The following NAF1 variants were observed in gnomAD, a reference collection of about 807,000 sequenced individuals.
NAF1 encodes H/ACA ribonucleoprotein complex non-core subunit NAF1.
In NAF1, 11 loss-of-function variants were observed where a neutral mutation model predicts 40.6. That is an observed-to-expected ratio of 0.27 (90% CI 0.17 to 0.45). The LOEUF (loss-of-function observed/expected upper bound fraction) is 0.45. Ranked by LOEUF, NAF1 falls within the 20% of genes least tolerant of loss-of-function variation. The probability of loss-of-function intolerance (pLI) is 1.00; values close to 1 mark genes in which losing one functional copy is unlikely to be tolerated. For synonymous variants in NAF1, 260 were observed against 228.5 expected, an observed-to-expected ratio of 1.14 and a Z score of -1.24; for missense variants, 607 against 611.1, an observed-to-expected ratio of 0.99 and a Z score of 0.07.
intron 2 of NAF1, among the ~76,000 whole-genome samples, chr4:163,110,625 T>C (rs910263624): frequency 1.3e-5 from 2 of 152,194 alleles, no homozygotes; most frequent in Non-Finnish European, 1.5e-5. Context: ...TCTGGAAATC[T>C]AAGGTCAAGC....
chr4:163,150,051 C>G (rs1731636653), intron 2 of NAF1, among the ~76,000 whole-genome samples: 1 of 151,970 alleles, frequency 6.6e-6, no homozygotes. Flanking sequence ...AGATCTAAAA[C>G]AAAAATTTGA....
chr4:163,164,030 A>G (rs1269381879), intron 2 of NAF1, among the ~76,000 whole-genome samples, 187 bp downstream of exon 2: 3 of 152,206 alleles, frequency 2.0e-5, no homozygotes, highest in Admixed American at 2.0e-4. Context: ...GTTAGAAGCA[A>G]CCTAAGAAAT....
intron 2 of NAF1, among the ~76,000 whole-genome samples, chr4:163,119,002 GCAAC>G (rs1730437238): frequency 1.3e-5 from 2 of 152,244 alleles, no homozygotes; most frequent in African/African-American, 4.8e-5. Context: ...AACAAATTAT[GCAAC>G]TATAAGACTT....
chr4:163,110,012 G>T, downstream of NAF1: 1 of 393,772 alleles, frequency 2.5e-6, no homozygotes, highest in East Asian at 3.7e-5. Context: ...TACTGCAAAT[G>T]ATATGTGAGG....
intron 4 of NAF1, chr4:163,144,030 T>C: frequency 1.0e-6 from 1 of 976,190 alleles, no homozygotes; most frequent in Non-Finnish European, 1.2e-6. Flanking sequence ...ATCAATATAA[T>C]ACAGAGTCCT....
In NAF1 at chr4:163,128,966, AG is replaced by A; in HGVS notation, c.1415del (p.Pro472LeufsTer25). The A allele has an allele frequency of 6.1e-6, 2 of 329,106 alleles. No homozygotes were observed. Among genetic ancestry groups the A allele is most frequent in the Non-Finnish European group, 1.2e-5 (2 of 165,910 alleles). 20.4% of individuals were successfully genotyped at this position (329,106 alleles called of 1,614,324 possible). ...GTGGAGGAGGCAGTGGTGGAGGGGG[AG>A]GGGGTGGGGGTAGGGAGTATGGTAA... The part of the protein sequence containing the change: ...LNLPYSLPPP[P>X]PPPPLPPPPS... On this transcript the variant is annotated frameshift_variant, in exon 8 of 8. Coordinates refer to ENST00000274054, the MANE Select transcript of NAF1 (RefSeq NM_138386.3). LOFTEE classifies it high-confidence loss of function.
At chr4:163,145,698 ACT>A in intron 4 of NAF1, 82 bp downstream of exon 4, 1 of 871,928 alleles carries the variant, frequency 1.1e-6, no homozygotes, top group Non-Finnish European at 1.8e-6. Context: ...AAATAAATAA[ACT>A]CTTCTGAGAA....
chr4:163,126,423 A>C (rs1730657354), downstream of NAF1, among the ~76,000 whole-genome samples: 1 of 152,192 alleles, frequency 6.6e-6, no homozygotes, highest in Admixed American at 6.5e-5. Context: ...GGAGGAAATA[A>C]CTGAATATGT....
At chr4:163,165,375 A>C (rs1224154559) in intron 1 of NAF1, among the ~76,000 whole-genome samples, 3 of 152,208 alleles carry the variant, frequency 2.0e-5, no homozygotes, top group African/African-American at 7.2e-5. Flanking sequence ...TTATGACGCC[A>C]TATCCCTTCT....
chr4:163,128,347 C>T (rs1174096528), downstream of NAF1, among the ~76,000 whole-genome samples: 1 of 152,090 alleles, frequency 6.6e-6, no homozygotes, highest in Non-Finnish European at 1.5e-5. Flanking sequence ...ATATTTTTTA[C>T]TTTAGCTATA....
At chr4:163,162,615 T>C (rs577108079) in intron 2 of NAF1, among the ~76,000 whole-genome samples, 29 of 152,354 alleles carry the variant, frequency 1.9e-4, no homozygotes, top group African/African-American at 7.0e-4. Context: ...CTCCACTTTA[T>C]TTACTGTCTG....
At chr4:163,130,910 G>A (rs574535249) in intron 7 of NAF1, among the ~76,000 whole-genome samples, 52 of 152,292 alleles carry the variant, frequency 3.4e-4, no homozygotes, top group African/African-American at 1.2e-3. Flanking sequence ...ACGGAGTCTC[G>A]CTCTGTAGCC....
At chr4:163,165,961 A>C (rs964382239) in intron 1 of NAF1, among the ~76,000 whole-genome samples, 1 of 152,200 alleles carries the variant, frequency 6.6e-6, no homozygotes, top group Admixed American at 6.5e-5. Context: ...TGGTTCAAAA[A>C]ACAAAGCCTA....
At chr4:163,109,681 C>T (rs1416771790), downstream of NAF1, among the ~76,000 whole-genome samples, 1 of 152,166 alleles carries the variant, frequency 6.6e-6, no homozygotes, top group Admixed American at 6.5e-5. Flanking sequence ...AAAAAGAATG[C>T]TATGACTTGT....
At chr4:163,139,528 A>G (rs1731175826) in intron 5 of NAF1, among the ~76,000 whole-genome samples, 1 of 152,196 alleles carries the variant, frequency 6.6e-6, no homozygotes, top group Admixed American at 6.5e-5. Flanking sequence ...TAACAAGTTT[A>G]GCTGATACAA....
In NAF1 at chr4:163,166,875, A is replaced by G; in HGVS notation, c.-148T>C. The G allele has an allele frequency of 9.4e-7, 1 of 1,060,288 alleles. No individual in the cohort carries two copies. Among genetic ancestry groups the G allele is most frequent in the South Asian group, 1.7e-5 (1 of 59,010 alleles). The allele number at this position is 1,060,288 out of a possible 1,614,324, so 65.7% of individuals were successfully genotyped here. On this transcript the variant is annotated 5_prime_UTR_variant, in exon 1 of 8. Coordinates refer to ENST00000274054, the MANE Select transcript of NAF1 (RefSeq NM_138386.3). ...GCGTTTCTCAGGTAACTACACGCGG[A>G]GGAGCCAAAAGACACGCCCCCGCCA...
chr4:163,118,713 A>T (rs761472198), intron 2 of NAF1, among the ~76,000 whole-genome samples: 1 of 152,196 alleles, frequency 6.6e-6, no homozygotes, highest in Non-Finnish European at 1.5e-5. Flanking sequence ...ATATCGCACC[A>T]TTGCACTCCA....
chr4:163,124,648 G>A (rs1341936392), downstream of NAF1, among the ~76,000 whole-genome samples: 2 of 152,096 alleles, frequency 1.3e-5, no homozygotes, highest in African/African-American at 2.4e-5. Context: ...CACAGATGCA[G>A]AACCCACAGA....
chr4:163,153,757 T>G (rs1244677832), intron 2 of NAF1, among the ~76,000 whole-genome samples: 7 of 152,090 alleles, frequency 4.6e-5, no homozygotes, highest in African/African-American at 1.7e-4. Context: ...AGGATGTGGG[T>G]GGGGCCAGAT....
Sources: allele counts gnomAD v4.1 joint callset (sites outside exome capture counted in the v4.1 genomes callset), GRCh38; gene constraint gnomAD v4.1.1; transcripts MANE v1.5; gene names NCBI Gene and HGNC (gene_info 2026-07-23, HGNC 2026-07-21).